Variants in ARMH3 observed in about 807,000 individuals in gnomAD.
The protein encoded by ARMH3 is armadillo-like helical domain-containing protein 3.
ARMH3 carries 60 observed loss-of-function variants against 99.1 expected under a neutral mutation model. The observed-to-expected ratio is 0.61, with a 90% CI of 0.49 to 0.75. The LOEUF is 0.75. ARMH3 is among the 30% of genes least tolerant of loss of function. The probability of loss-of-function intolerance (pLI) is 0.00; values close to 1 mark genes in which losing one functional copy is unlikely to be tolerated. For synonymous variants in ARMH3, 285 were observed against 292.8 expected, an observed-to-expected ratio of 0.97 and a Z score of 0.27; for missense variants, 679 against 843.1, an observed-to-expected ratio of 0.81 and a Z score of 2.41.
At position 102,055,892 on chromosome 10, in the gene ARMH3, C is replaced by T. The variant is rs539844713; in HGVS notation, c.-12+193G>A. The stretch of plus-strand genomic sequence containing the variant: ...CGTTTCTCTCTAGGCTCGGCCGCCC[C>T]CAGGCCCAGCCCTCCCCGGCATACG... On this transcript the variant is annotated intron_variant, in intron 1 of 25. Coordinates refer to ENST00000370033, the MANE Select transcript of ARMH3 (RefSeq NM_024541.3). Among the ~76,000 whole-genome samples the T allele has an allele frequency of 2.6e-3, 400 of 152,332 alleles. 2 individuals are homozygous for T. The highest frequency in any genetic ancestry group is 9.3e-3 in the African/African-American group (385 of 41,586).
chr10:101,889,594 G>A, intron 23 of ARMH3, 104 bp from the exon 24 acceptor site: 1 of 1,038,760 alleles, frequency 9.6e-7, no homozygotes, highest in Non-Finnish European at 1.5e-6. Flanking sequence ...ACTAGAGCAT[G>A]GGACCGATTG....
intron 23 of ARMH3, among the ~76,000 whole-genome samples, chr10:101,909,012 A>G (rs1590001303): frequency 6.6e-6 from 1 of 152,096 alleles, no homozygotes; most frequent in South Asian, 2.1e-4. Context: ...TTTAAAAAGT[A>G]AGTATTGAAA....
Position 101,944,293 on chromosome 10 carries a change from G to T in ARMH3, c.1706-4355C>A, listed in dbSNP as rs1174393934. 3.2e-3 allele frequency among the ~76,000 whole-genome samples: 307 copies of T among 96,124 alleles called. 2 individuals are homozygous for T. Among genetic ancestry groups the T allele is most frequent in the East Asian group, 0.017 (45 of 2,724 alleles). 63.1% of individuals were successfully genotyped at this position (96,124 alleles called of 152,430 possible). A position where few individuals can be genotyped will look rare whatever the true frequency, so the allele number is the denominator to read the frequency against. On this transcript the variant is annotated intron_variant, in intron 22 of 25. Coordinates refer to ENST00000370033, the MANE Select transcript of ARMH3 (RefSeq NM_024541.3). ...ATATATAGAGAGAGAGAGAGAGAGA[G>T]AGAGAGAGAGAGAGAGAGAGAGAGA...
At chr10:101,959,292 T>C (rs1845176624) in intron 20 of ARMH3, among the ~76,000 whole-genome samples, 1 of 152,194 alleles carries the variant, frequency 6.6e-6, no homozygotes, top group South Asian at 2.1e-4. Context: ...TTAAAGAAGA[T>C]CACCTTGCTG....
chr10:102,028,766 T>C (rs1447837326), intron 5 of ARMH3, among the ~76,000 whole-genome samples: 2 of 152,220 alleles, frequency 1.3e-5, no homozygotes, highest in Non-Finnish European at 2.9e-5. Flanking sequence ...TGACTGCTAA[T>C]GGGTACAGGT....
chr10:101,962,842 T>C (rs1220873700), intron 20 of ARMH3, among the ~76,000 whole-genome samples: 1 of 152,200 alleles, frequency 6.6e-6, no homozygotes, highest in Admixed American at 6.5e-5. Context: ...ATACAGGAGC[T>C]ATCTAGGGCC....
chr10:102,025,522 G>A (rs1255910488), intron 5 of ARMH3, among the ~76,000 whole-genome samples: 1 of 152,144 alleles, frequency 6.6e-6, no homozygotes, highest in Non-Finnish European at 1.5e-5. Flanking sequence ...AGAATTCACT[G>A]TTCTACCAAA....
chr10:101,949,590 C>T (rs968656846), intron 22 of ARMH3, among the ~76,000 whole-genome samples: 1 of 152,052 alleles, frequency 6.6e-6, no homozygotes, highest in South Asian at 2.1e-4. Context: ...AAATCTTCCA[C>T]GAAAGTAAAC....
chr10:101,989,196 A>G (rs1238566133), intron 19 of ARMH3, among the ~76,000 whole-genome samples: 3 of 152,146 alleles, frequency 2.0e-5, no homozygotes, highest in Admixed American at 1.3e-4. Flanking sequence ...ATGTAGGAGG[A>G]GTGGCAAAGG....
chr10:102,049,415 G>A (rs2067638629), intron 1 of ARMH3, among the ~76,000 whole-genome samples: 1 of 151,980 alleles, frequency 6.6e-6, no homozygotes, highest in South Asian at 2.1e-4. Flanking sequence ...CGTGGCAAGT[G>A]CCTGTAATCC....
intron 24 of ARMH3, among the ~76,000 whole-genome samples, chr10:101,873,918 G>A (rs779859782): frequency 1.3e-5 from 2 of 151,828 alleles, no homozygotes; most frequent in Non-Finnish European, 2.9e-5. Flanking sequence ...CTACTTTTTG[G>A]TCATCCTAAA....
intron 23 of ARMH3, chr10:101,912,967 A>G (rs1199352584): frequency 6.6e-6 from 1 of 152,206 alleles, no homozygotes; most frequent in Non-Finnish European, 1.5e-5. Flanking sequence ...TACCAAAGAC[A>G]GGGAAAAAAA....
intron 22 of ARMH3, among the ~76,000 whole-genome samples, chr10:101,953,258 T>C (rs1401615033): frequency 1.3e-5 from 2 of 152,132 alleles, no homozygotes; most frequent in African/African-American, 4.8e-5. Flanking sequence ...GCCTCCCAAG[T>C]TGCTAGGACC....
At chr10:102,010,069 A>G in intron 11 of ARMH3, 46 bp from the exon 12 acceptor site, 1 of 1,578,772 alleles carries the variant, frequency 6.3e-7, no homozygotes, top group Non-Finnish European at 8.7e-7. Flanking sequence ...GGAGGATATG[A>G]GAGGAGCTTT....
At chr10:102,003,244 C>G (rs1469436385) in intron 14 of ARMH3, among the ~76,000 whole-genome samples, 2 of 151,846 alleles carry the variant, frequency 1.3e-5, no homozygotes, top group African/African-American at 4.8e-5. Context: ...CTCACTGCAA[C>G]CTCCGTCTCC....
Position 101,849,806 on chromosome 10 carries a change from C to T in ARMH3, c.1947G>A (p.Gln649=), listed in dbSNP as rs1296626061. The T allele has an allele frequency of 1.2e-6, 2 of 1,614,192 alleles. No individual in the cohort carries two copies. The highest frequency in any genetic ancestry group is 1.7e-6 in the Non-Finnish European group (2 of 1,180,034). Residue 649 remains glutamine (Q), a synonymous_variant, in exon 25 of 26, where the codon CAG becomes CAA. Transcript: ENST00000370033. ...CTTTGAAGAAGGCAGCTTCCTTGTGCTGCTCTGAGTAGCGCTCATACTGGT... is the reference window on the plus strand; with the variant it reads ...CTTTGAAGAAGGCAGCTTCCTTGTGTTGCTCTGAGTAGCGCTCATACTGGT... ...GLDQYERYSE[Q]HKEAAFFKEL... is the part of the protein sequence containing the mutation.
intron 14 of ARMH3, 100 bp downstream of exon 14, chr10:102,006,440 A>C (rs767420639): frequency 1.3e-4 from 181 of 1,357,462 alleles, no homozygotes; most frequent in Non-Finnish European, 1.8e-4. Flanking sequence ...TAGTGGGAAA[A>C]ATTAACAACT....
At chr10:101,937,122 T>C (rs1332134468) in intron 23 of ARMH3, among the ~76,000 whole-genome samples, 1 of 152,198 alleles carries the variant, frequency 6.6e-6, no homozygotes, top group Non-Finnish European at 1.5e-5. Context: ...TACATCATGG[T>C]GAGTTTTCTG....
At chr10:101,950,473 T>C (rs1181660515) in intron 22 of ARMH3, among the ~76,000 whole-genome samples, 1 of 152,192 alleles carries the variant, frequency 6.6e-6, no homozygotes, top group Non-Finnish European at 1.5e-5. Context: ...AATGAAAACA[T>C]GCCCACACAA....
Sources: gnomAD v4.1 joint callset for allele counts (sites outside exome capture counted in the v4.1 genomes callset) on GRCh38, gnomAD v4.1.1 for gene constraint, MANE v1.5 for transcripts, NCBI Gene and HGNC (gene_info 2026-07-23, HGNC 2026-07-21) for gene names.